ARHGAP31: variants seen among roughly 807,000 people sequenced by gnomAD.
ARHGAP31 encodes rho GTPase-activating protein 31.
In ARHGAP31, 34 loss-of-function variants were observed where a neutral mutation model predicts 113.9. The ratio of observed to expected loss-of-function variants is 0.30; its 90% CI spans 0.23 to 0.40. The LOEUF (loss-of-function observed/expected upper bound fraction) is 0.40. Ranked by LOEUF, ARHGAP31 falls within the 10% of genes least tolerant of loss-of-function variation. The pLI is 1.00. For synonymous variants in ARHGAP31, 650 were observed against 684.8 expected, an observed-to-expected ratio of 0.95 and a Z score of 0.79; for missense variants, 1,548 against 1,767.1, an observed-to-expected ratio of 0.88 and a Z score of 2.22.
chr3:119,416,460 GA>G lies in ARHGAP31; in HGVS notation c.*199del. 2.7e-6 allele frequency: 2 copies of G among 749,928 alleles called. No individual in the cohort carries two copies. Among genetic ancestry groups the G allele is most frequent in the Admixed American group, 4.8e-5 (2 of 41,870 alleles). 46.5% of individuals were successfully genotyped at this position (749,928 alleles called of 1,614,324 possible). ...AGTGGTCAAGGGAAAAACGAGAGATGAAATTTAGTTAAGTCTATGTGAGCAA... is the reference window on the plus strand; with the variant it reads ...AGTGGTCAAGGGAAAAACGAGAGATGAATTTAGTTAAGTCTATGTGAGCAA... On this transcript the variant is annotated 3_prime_UTR_variant, in exon 12 of 12. Transcript: ENST00000264245.
intron 1 of ARHGAP31, among the ~76,000 whole-genome samples, chr3:119,308,040 G>A (rs1054662025): frequency 1.4e-4 from 21 of 150,040 alleles, no homozygotes; most frequent in South Asian, 1.1e-3. Context: ...CTGGAGTCAC[G>A]CACGCAGCGT....
intron 1 of ARHGAP31, among the ~76,000 whole-genome samples, chr3:119,336,746 A>G (rs1481951872): frequency 6.6e-6 from 1 of 152,184 alleles, no homozygotes; most frequent in African/African-American, 2.4e-5. Flanking sequence ...GACCACAATC[A>G]ATCTTACAAC....
intron 1 of ARHGAP31, among the ~76,000 whole-genome samples, chr3:119,312,425 C>T (rs1354493616): frequency 6.6e-6 from 1 of 152,170 alleles, no homozygotes; most frequent in African/African-American, 2.4e-5. Flanking sequence ...TTCCTTCTCA[C>T]CCGCCTCCTG....
chr3:119,294,885 A>C lies in ARHGAP31; in HGVS notation c.-20A>C. 1 of 1,611,210 alleles carries C rather than the reference A, an allele frequency of 6.2e-7. No homozygotes were observed. The highest frequency in any genetic ancestry group is 8.5e-7 in the Non-Finnish European group (1 of 1,177,608). The stretch of plus-strand genomic sequence containing the variant: ...AGAGGGGCGGCAGAGACGGAGGGGC[A>C]GCCTCTTTGGGACTAACTCATGAAG... On this transcript the variant is annotated 5_prime_UTR_variant, in exon 1 of 12. Coordinates refer to ENST00000264245, the MANE Select transcript of ARHGAP31 (RefSeq NM_020754.4).
intron 1 of ARHGAP31, among the ~76,000 whole-genome samples, chr3:119,324,116 T>C (rs74534515): frequency 0.019 from 2,963 of 152,338 alleles, 83 homozygotes; most frequent in South Asian, 0.068. Flanking sequence ...GACTCTGTTA[T>C]GCCCATCTGT....
chr3:119,357,662 T>C (rs1362384618), intron 1 of ARHGAP31, among the ~76,000 whole-genome samples: 2 of 152,202 alleles, frequency 1.3e-5, no homozygotes, highest in African/African-American at 4.8e-5. Context: ...AAATGAGAAG[T>C]ACAGTATAAA....
At chr3:119,347,205 C>A (rs2080068215) in intron 1 of ARHGAP31, among the ~76,000 whole-genome samples, 1 of 152,194 alleles carries the variant, frequency 6.6e-6, no homozygotes, top group African/African-American at 2.4e-5. Context: ...TTCTTCCACT[C>A]ATTCCTCTAT....
chr3:119,309,446 C>A (rs2079658633), intron 1 of ARHGAP31, among the ~76,000 whole-genome samples: 1 of 152,094 alleles, frequency 6.6e-6, no homozygotes, highest in Non-Finnish European at 1.5e-5. Flanking sequence ...CTGAAAACAG[C>A]CCTAGGAGGT....
intron 1 of ARHGAP31, among the ~76,000 whole-genome samples, chr3:119,307,459 T>C (rs1373208040): frequency 6.6e-6 from 1 of 152,154 alleles, no homozygotes; most frequent in Non-Finnish European, 1.5e-5. Context: ...TGAGAACAAA[T>C]ATTCCAAGGC....
At chr3:119,386,376 C>A (rs888182324) in intron 6 of ARHGAP31, among the ~76,000 whole-genome samples, 3 of 152,152 alleles carry the variant, frequency 2.0e-5, no homozygotes, top group African/African-American at 7.2e-5. Flanking sequence ...CTGGTGAGGG[C>A]CCATACACCA....
chr3:119,322,921 T>A (rs1430479122), intron 1 of ARHGAP31, among the ~76,000 whole-genome samples: 1 of 152,026 alleles, frequency 6.6e-6, no homozygotes, highest in Admixed American at 6.5e-5. Flanking sequence ...CACGTCCTTG[T>A]CCCTCCTGAA....
At chr3:119,340,890 GT>G (rs754768029) in intron 1 of ARHGAP31, among the ~76,000 whole-genome samples, 1 of 152,088 alleles carries the variant, frequency 6.6e-6, no homozygotes, top group Admixed American at 6.5e-5. Context: ...CACATATCTT[GT>G]TTTTTTCAAA....
intron 6 of ARHGAP31, among the ~76,000 whole-genome samples, chr3:119,384,555 G>C (rs2080432134): frequency 6.6e-6 from 1 of 152,158 alleles, no homozygotes; most frequent in South Asian, 2.1e-4. Context: ...TCCTCCTATG[G>C]TGAGAGATGG....
chr3:119,295,291 T>TG (rs1005655357), intron 1 of ARHGAP31, among the ~76,000 whole-genome samples: 1 of 151,608 alleles, frequency 6.6e-6, no homozygotes, highest in African/African-American at 2.4e-5. Context: ...CCTCAGGGGA[T>TG]GGGGGTGGAA....
intron 1 of ARHGAP31, among the ~76,000 whole-genome samples, chr3:119,353,730 G>A (rs1294265209): frequency 2.1e-5 from 3 of 144,484 alleles, no homozygotes; most frequent in Non-Finnish European, 4.5e-5. Flanking sequence ...GGAGGTTGCA[G>A]TGAGCCAAGA....
In ARHGAP31 at chr3:119,420,702, C is replaced by A. The variant is rs1380052958; in HGVS notation, c.*4438C>A. 1 of 152,126 alleles carries A rather than the reference C, an allele frequency of 6.6e-6. No homozygotes were observed. The allele number at this position is 152,126 out of a possible 1,614,324, so 9.4% of individuals were successfully genotyped here. On this transcript the variant is annotated 3_prime_UTR_variant, in exon 12 of 12. Transcript: ENST00000264245. Reference sequence around the variant, plus strand: ...GCTTATAATTCTGCAAAGTAAAGCACTTTTTCAAAGGAGTCTATTGGAAAG... The same window carrying A: ...GCTTATAATTCTGCAAAGTAAAGCAATTTTTCAAAGGAGTCTATTGGAAAG...
In ARHGAP31 at chr3:119,402,290, C is replaced by T. The variant is rs886057800; in HGVS notation, c.1538C>T (p.Pro513Leu). 6.2e-7 allele frequency: 1 copy of T among 1,614,260 alleles called. No individual in the cohort carries two copies. The highest frequency in any genetic ancestry group is 8.5e-7 in the Non-Finnish European group (1 of 1,180,052). The change falls in exon 10 of 12, where the codon CCG becomes CTG. Residue 513 changes from proline (P) to leucine (L), a missense_variant. Coordinates refer to ENST00000264245, the MANE Select transcript of ARHGAP31 (RefSeq NM_020754.4). ...STNSTPCRTP[P>L]KELQSLSSLE... ...AACAGCACGCCGTGCAGAACACCCC[C>T]GAAGGAGCTGCAGTCTCTTTCCAGC...
At chr3:119,413,350 C>T (rs980272178) in intron 11 of ARHGAP31, among the ~76,000 whole-genome samples, 6 of 149,594 alleles carry the variant, frequency 4.0e-5, no homozygotes, top group South Asian at 2.1e-4. Context: ...TAAAAAAGAA[C>T]GATATTTACT....
In ARHGAP31 at chr3:119,294,680, G is replaced by A; in HGVS notation, c.-225G>A. 2 of 589,286 alleles carry A rather than the reference G, an allele frequency of 3.4e-6. No individual in the cohort carries two copies. The highest frequency in any genetic ancestry group is 6.0e-6 in the Non-Finnish European group (2 of 335,958). 36.5% of individuals were successfully genotyped at this position (589,286 alleles called of 1,614,324 possible). On this transcript the variant is annotated 5_prime_UTR_variant, in exon 1 of 12. Coordinates refer to ENST00000264245, the MANE Select transcript of ARHGAP31 (RefSeq NM_020754.4). ...CGGCCCGCGGCTGCCAGTCTGCACG[G>A]CCTCGGCACGGCGGCCCCGGAGCGG... is the stretch of plus-strand genomic sequence containing the variant.
Sources: allele counts gnomAD v4.1 joint callset (sites outside exome capture counted in the v4.1 genomes callset), GRCh38; gene constraint gnomAD v4.1.1; transcripts MANE v1.5; gene names NCBI Gene and HGNC (gene_info 2026-07-23, HGNC 2026-07-21).